The following CAP2 variants were observed in gnomAD, a reference collection of about 807,000 sequenced individuals.
CAP2 encodes the protein cyclase associated actin cytoskeleton regulatory protein 2, also known as adenylyl cyclase-associated protein 2.
Under a neutral mutation model 57.7 loss-of-function variants are expected in CAP2, and 24 were observed. That is an observed-to-expected ratio of 0.42 (90% confidence interval 0.30 to 0.58). The LOEUF (loss-of-function observed/expected upper bound fraction) is 0.58, where lower values mean the gene tolerates loss of function less well. Ranked by LOEUF, CAP2 falls within the 20% of genes least tolerant of loss-of-function variation. CAP2 has a pLI of 0.22. For synonymous variants in CAP2, 194 were observed against 207.2 expected, an observed-to-expected ratio of 0.94 and a Z score of 0.55; for missense variants, 501 against 590.3, an observed-to-expected ratio of 0.85 and a Z score of 1.57.
At chr6:17,410,107 C>T (rs1759099258) in intron 1 of CAP2, among the ~76,000 whole-genome samples, 2 of 152,170 alleles carry the variant, frequency 1.3e-5, no homozygotes, top group African/African-American at 4.8e-5. Flanking sequence ...TTCTGAATAC[C>T]ATACTCTCAT....
chr6:17,402,289 G>A (rs1758838211), intron 1 of CAP2, among the ~76,000 whole-genome samples: 1 of 152,124 alleles, frequency 6.6e-6, no homozygotes, highest in Admixed American at 6.5e-5. Flanking sequence ...TTTACTAAAT[G>A]GTTTATGTCT....
chr6:17,536,107 G>A, intron 7 of CAP2: 1 of 430,942 alleles, frequency 2.3e-6, no homozygotes, highest in Middle Eastern at 3.8e-4. Context: ...ACAGGTGTGA[G>A]CCTCCGCGCC....
chr6:17,482,046 A>C (rs1396989226), intron 4 of CAP2, among the ~76,000 whole-genome samples: 1 of 152,030 alleles, frequency 6.6e-6, no homozygotes, highest in Non-Finnish European at 1.5e-5. Context: ...CAGTTCAATA[A>C]ATTTTCTGTT....
intron 7 of CAP2, among the ~76,000 whole-genome samples, chr6:17,518,648 G>GTT (rs200590420): frequency 6.6e-6 from 1 of 151,328 alleles, no homozygotes; most frequent in African/African-American, 2.4e-5. Flanking sequence ...TAATTTTTTT[G>GTT]TTTTTTTGAG....
intron 7 of CAP2, among the ~76,000 whole-genome samples, chr6:17,525,735 C>T (rs1254479753): frequency 6.6e-6 from 1 of 152,118 alleles, no homozygotes; most frequent in Non-Finnish European, 1.5e-5. Context: ...AAAAACCCTA[C>T]GAAAGGAGGA....
At chr6:17,471,488 A>C (rs1038860787) in intron 4 of CAP2, among the ~76,000 whole-genome samples, 1 of 152,172 alleles carries the variant, frequency 6.6e-6, no homozygotes, top group African/African-American at 2.4e-5. Flanking sequence ...GTTTTTAAAT[A>C]TCGGTTTCAT....
At chr6:17,541,565 G>A (rs1271008214) in intron 9 of CAP2, among the ~76,000 whole-genome samples, 1 of 152,066 alleles carries the variant, frequency 6.6e-6, no homozygotes, top group Non-Finnish European at 1.5e-5. Flanking sequence ...GGGTGACAGA[G>A]TGAGACTCTG....
intron 4 of CAP2, among the ~76,000 whole-genome samples, chr6:17,488,142 A>C (rs1399891776): frequency 6.6e-6 from 1 of 152,126 alleles, no homozygotes; most frequent in Non-Finnish European, 1.5e-5. Flanking sequence ...TCCTGGACTC[A>C]AGTGATCCTC....
intron 3 of CAP2, among the ~76,000 whole-genome samples, 173 bp from the exon 4 acceptor site, chr6:17,462,823 C>T (rs533867489): frequency 6.6e-6 from 1 of 152,138 alleles, no homozygotes; most frequent in South Asian, 2.1e-4. Context: ...TCGGGTTGTT[C>T]CCATGTTTTG....
intron 4 of CAP2, among the ~76,000 whole-genome samples, chr6:17,496,036 G>GGGCT (rs1554127029): frequency 7.5e-6 from 1 of 133,604 alleles, no homozygotes; most frequent in African/African-American, 2.8e-5. Context: ...GTGGGGGGGG[G>GGGCT]GGGTAAGTCA....
intron 3 of CAP2, among the ~76,000 whole-genome samples, chr6:17,459,850 C>T (rs58718962): frequency 0.14 from 20,534 of 151,986 alleles, 4,483 homozygotes; most frequent in African/African-American, 0.46. Context: ...GACAGAGAGA[C>T]TCTAAAAGAT....
rs964203726 is a variant in CAP2, at chr6:17,444,805, C to T, written c.222+18115C>T. On this transcript the variant is annotated intron_variant, in intron 3 of 12. Coordinates refer to ENST00000229922, the MANE Select transcript of CAP2 (RefSeq NM_006366.3). ...CTGTAGATTTTTGTTTCTCTCTCTC[C>T]ACACACACACACACACACACACACA... is the stretch of plus-strand genomic sequence containing the variant. Among the ~76,000 whole-genome samples the T allele has an allele frequency of 2.1e-3, 5 of 2,398 alleles. No individual in the cohort carries two copies. In the South Asian group the frequency reaches 0.14, roughly 65 times the overall value. The allele number at this position is 2,398 out of a possible 152,430, so 1.6% of individuals were successfully genotyped here.
intron 1 of CAP2, among the ~76,000 whole-genome samples, chr6:17,399,137 C>T (rs946331670): frequency 6.6e-5 from 10 of 152,206 alleles, no homozygotes; most frequent in Non-Finnish European, 8.8e-5. Flanking sequence ...CATCTCGGCT[C>T]GCTGCAACCT....
At chr6:17,400,671 A>G (rs1445528061) in intron 1 of CAP2, among the ~76,000 whole-genome samples, 4 of 151,892 alleles carry the variant, frequency 2.6e-5, no homozygotes, top group East Asian at 1.9e-4. Context: ...AGACCATCCT[A>G]GCTAACATGG....
At chr6:17,511,600 C>T (rs1198455408) in intron 6 of CAP2, among the ~76,000 whole-genome samples, 1 of 152,084 alleles carries the variant, frequency 6.6e-6, no homozygotes, top group Non-Finnish European at 1.5e-5. Context: ...TACAGGCATG[C>T]ACCACCACAC....
chr6:17,521,986 GT>G lies in CAP2; in HGVS notation c.636+8033del, dbSNP rs928016844. On this transcript the variant is annotated intron_variant, in intron 7 of 12. Transcript: ENST00000229922. ...TAGCTGGGCGTGGTGGTGCAGACCT[GT>G]AATCCCAGCTACTCAGGAGGCTGAG... 8.5e-5 allele frequency among the ~76,000 whole-genome samples: 13 copies of G among 152,182 alleles called. 1 individual carries two copies. The highest frequency in any genetic ancestry group is 2.9e-4 in the African/African-American group (12 of 41,510).
intron 11 of CAP2, among the ~76,000 whole-genome samples, chr6:17,544,544 CT>C (rs11411180): frequency 1.1e-3 from 163 of 147,088 alleles, no homozygotes; most frequent in Admixed American, 1.0e-3. Context: ...TAACTTCTAT[CT>C]TTTTTTTTTT....
intron 4 of CAP2, among the ~76,000 whole-genome samples, chr6:17,499,164 T>C (rs550215851): frequency 2.0e-4 from 30 of 151,474 alleles, no homozygotes; most frequent in African/African-American, 7.0e-4. Context: ...TTTTAGAGGC[T>C]GAACCGGGCA....
chr6:17,442,540 T>C (rs1760115270), intron 3 of CAP2, among the ~76,000 whole-genome samples: 1 of 152,132 alleles, frequency 6.6e-6, no homozygotes, highest in Non-Finnish European at 1.5e-5. Context: ...ACATGCATGA[T>C]ATTCCTCTGT....
Sources: gnomAD v4.1 joint callset for allele counts (sites outside exome capture counted in the v4.1 genomes callset) on GRCh38, gnomAD v4.1.1 for gene constraint, MANE v1.5 for transcripts, NCBI Gene and HGNC (gene_info 2026-07-23, HGNC 2026-07-21) for gene names.